SHMT1: variants seen among roughly 807,000 people sequenced by gnomAD.
SHMT1 encodes the protein serine hydroxymethyltransferase 1, also known as serine hydroxymethyltransferase, cytosolic.
Under a neutral mutation model 49.0 loss-of-function variants are expected in SHMT1, and 45 were observed. The observed-to-expected ratio is 0.92, with a 90% CI of 0.72 to 1.18. SHMT1 has a LOEUF of 1.18. Among genes scored for constraint, SHMT1 ranks in the 50% most tolerant of loss-of-function variants. The probability of loss-of-function intolerance (pLI) is 0.00; values close to 1 mark genes in which losing one functional copy is unlikely to be tolerated. For missense variants in SHMT1, 541 were observed against 612.4 expected (o/e 0.88, Z 1.23); for synonymous variants, 232 against 246.6 (o/e 0.94, Z 0.55).
At chr17:18,335,325 C>T (rs761184181) in intron 8 of SHMT1, among the ~76,000 whole-genome samples, 4 of 152,220 alleles carry the variant, frequency 2.6e-5, no homozygotes, top group South Asian at 2.1e-4. Flanking sequence ...TTACAAAACT[C>T]GGCCTGACCC....
intron 3 of SHMT1, among the ~76,000 whole-genome samples, chr17:18,351,677 G>A (rs1046749409): frequency 1.3e-5 from 2 of 152,008 alleles, no homozygotes; most frequent in African/African-American, 4.8e-5. Flanking sequence ...GGGAGGCTGA[G>A]GCAAGAGAAT....
rs777086128 is a variant in SHMT1, at chr17:18,340,707, G to C, written c.601+25C>G. 1 of 1,597,864 alleles carries C rather than the reference G, an allele frequency of 6.3e-7. No homozygotes were observed. The highest frequency in any genetic ancestry group is 8.5e-7 in the Non-Finnish European group (1 of 1,171,046). ...GAGGCACCAGGCTACTGGTGAACAA[G>C]GTGACTTTCCGCCCCGCGCATCACC... is the stretch of plus-strand genomic sequence containing the variant. On this transcript the variant is annotated intron_variant, in intron 6 of 11. Transcript: ENST00000316694. The surrounding 1 kb of genome is among the most constrained non-coding windows in gnomAD (Gnocchi z 4.5).
chr17:18,328,076 G>A lies in SHMT1; in HGVS notation c.*674C>T, dbSNP rs950006191. On this transcript the variant is annotated 3_prime_UTR_variant, in exon 12 of 12. Coordinates refer to ENST00000316694, the MANE Select transcript of SHMT1 (RefSeq NM_004169.5). ...AGGTGACATTTGGCTTCCTGATTACGGGAGGGAGTTGGTTATCTCAGGTGG... is the reference window on the plus strand; with the variant it reads ...AGGTGACATTTGGCTTCCTGATTACAGGAGGGAGTTGGTTATCTCAGGTGG... 9.8e-5 allele frequency: 15 copies of A among 152,364 alleles called. No individual in the cohort carries two copies. The highest frequency in any genetic ancestry group is 3.1e-4 in the African/African-American group (13 of 41,426). 9.4% of individuals were successfully genotyped at this position (152,364 alleles called of 1,614,324 possible).
Position 18,340,699 on chromosome 17 carries a change from G to T in SHMT1, c.601+33C>A. On this transcript the variant is annotated intron_variant, in intron 6 of 11. Coordinates refer to ENST00000316694, the MANE Select transcript of SHMT1 (RefSeq NM_004169.5). This position sits in a 1 kb window ranked among gnomAD's most constrained non-coding sequence, Gnocchi z 4.5. Reference sequence around the variant, plus strand: ...TTCTGTAAGAGGCACCAGGCTACTGGTGAACAAGGTGACTTTCCGCCCCGC... The same window carrying T: ...TTCTGTAAGAGGCACCAGGCTACTGTTGAACAAGGTGACTTTCCGCCCCGC... The T allele has an allele frequency of 6.3e-7, 1 of 1,584,146 alleles. No homozygotes were observed. Among genetic ancestry groups the T allele is most frequent in the Non-Finnish European group, 8.6e-7 (1 of 1,160,738 alleles).
chr17:18,338,908 C>T (rs1452516169), intron 7 of SHMT1, among the ~76,000 whole-genome samples: 3 of 152,156 alleles, frequency 2.0e-5, no homozygotes, highest in Non-Finnish European at 2.9e-5. Flanking sequence ...ACAAACACTG[C>T]GGAAAGCCGC....
chr17:18,351,436 A>C (rs78822685), intron 3 of SHMT1, among the ~76,000 whole-genome samples: 6 of 149,556 alleles, frequency 4.0e-5, no homozygotes, highest in Non-Finnish European at 7.4e-5. Flanking sequence ...ATGAGCCACC[A>C]CGCCCAGCCA....
In SHMT1 at chr17:18,335,034, A is replaced by G. The variant is rs539343569; in HGVS notation, c.931+525T>C. ...GTCCTTGTTCCATGAAGGCAGCGGGATAACTCTTGAGTCATCACAAATGTC... is the reference window on the plus strand; with the variant it reads ...GTCCTTGTTCCATGAAGGCAGCGGGGTAACTCTTGAGTCATCACAAATGTC... On this transcript the variant is annotated intron_variant, in intron 8 of 11. Transcript: ENST00000316694. Among the ~76,000 whole-genome samples, 12 of 152,362 alleles carry G rather than the reference A, an allele frequency of 7.9e-5. No individual in the cohort carries two copies. The South Asian group carries it at 2.5e-3, about 32-fold the overall frequency.
Position 18,347,522 on chromosome 17 carries a change from T to C in SHMT1, c.493A>G (p.Ile165Val). 5 of 1,614,184 alleles carry C rather than the reference T, an allele frequency of 3.1e-6. No homozygotes were observed. The highest frequency in any genetic ancestry group is 4.2e-6 in the Non-Finnish European group (5 of 1,180,034). Residue 165 changes from isoleucine to valine, a missense_variant, in exon 5 of 12, where the codon ATC becomes GTC. Coordinates refer to ENST00000316694, the MANE Select transcript of SHMT1 (RefSeq NM_004169.5). Reference protein sequence around the residue: ...TDKKKISATSIFFESMPYKVN... With the variant: ...TDKKKISATSVFFESMPYKVN... ...TTGTAGGGCATAGATTCAAAGAAGA[T>C]GGACGTGGCAGAGATTTTCTTCTTG...
chr17:18,361,477 C>CA (rs568990517), intron 1 of SHMT1, among the ~76,000 whole-genome samples: 13,812 of 135,878 alleles, frequency 0.1, 748 homozygotes, highest in East Asian at 0.16. Context: ...GACTCCGTTT[C>CA]AAAAAAAAAA....
intron 5 of SHMT1, among the ~76,000 whole-genome samples, chr17:18,346,968 C>G (rs1377390907): frequency 3.3e-5 from 5 of 152,212 alleles, no homozygotes; most frequent in Admixed American, 3.3e-4. Context: ...TCTGTAGCCA[C>G]TATACACAGG....
intron 8 of SHMT1, 133 bp downstream of exon 8, chr17:18,335,426 G>C: frequency 1.4e-6 from 1 of 721,272 alleles, no homozygotes; most frequent in South Asian, 1.6e-5. Context: ...GCCCTACTCT[G>C]TGTTAGCATC....
intron 1 of SHMT1, among the ~76,000 whole-genome samples, chr17:18,360,887 C>T (rs553453681): frequency 3.6e-4 from 55 of 152,196 alleles, no homozygotes; most frequent in Admixed American, 2.4e-3. Flanking sequence ...GAAAAAAAAG[C>T]GGTCAGGCGC....
chr17:18,351,725 G>C (rs1333971071), intron 3 of SHMT1, among the ~76,000 whole-genome samples: 46 of 152,088 alleles, frequency 3.0e-4, no homozygotes, highest in Non-Finnish European at 1.3e-4. Flanking sequence ...AGTGAGCCGA[G>C]ATTGTGCCAC....
chr17:18,334,359 G>A (rs1182905748), intron 8 of SHMT1, among the ~76,000 whole-genome samples: 1 of 152,198 alleles, frequency 6.6e-6, no homozygotes, highest in Non-Finnish European at 1.5e-5. Context: ...AAAGTGCTGG[G>A]ATTATAGGCA....
At chr17:18,351,350 A>AT (rs1239730269) in intron 3 of SHMT1, among the ~76,000 whole-genome samples, 1 of 151,362 alleles carries the variant, frequency 6.6e-6, no homozygotes, top group East Asian at 2.0e-4. Flanking sequence ...TTTACACCGT[A>AT]TTAGCCAGGA....
At chr17:18,333,870 T>C (rs1983510171) in intron 8 of SHMT1, among the ~76,000 whole-genome samples, 1 of 152,212 alleles carries the variant, frequency 6.6e-6, no homozygotes, top group African/African-American at 2.4e-5. Flanking sequence ...GCCTTGATGT[T>C]CAGGGCTCAG....
At chr17:18,352,571 A>G (rs532365919) in intron 3 of SHMT1, among the ~76,000 whole-genome samples, 2 of 152,240 alleles carry the variant, frequency 1.3e-5, no homozygotes, top group African/African-American at 4.8e-5. Context: ...TCTAATCCTA[A>G]GCACTCTGGG....
At chr17:18,352,849 G>A (rs1029371780) in intron 3 of SHMT1, among the ~76,000 whole-genome samples, 1 of 150,924 alleles carries the variant, frequency 6.6e-6, no homozygotes, top group Non-Finnish European at 1.5e-5. Flanking sequence ...GAAAACACCT[G>A]GTGTTAACAA....
At chr17:18,335,424 CTG>C (rs1189485647) in intron 8 of SHMT1, 133 bp downstream of exon 8, 3 of 712,500 alleles carry the variant, frequency 4.2e-6, no homozygotes. Context: ...ATGCCCTACT[CTG>C]TGTTAGCATC....
Sources: allele counts gnomAD v4.1 joint callset (sites outside exome capture counted in the v4.1 genomes callset), GRCh38; gene constraint gnomAD v4.1.1; non-coding constraint Gnocchi (gnomAD v3.1); transcripts MANE v1.5; gene names NCBI Gene and HGNC (gene_info 2026-07-23, HGNC 2026-07-21).